The following ANKFN1 variants were observed in gnomAD, a reference collection of about 807,000 sequenced individuals.
The protein encoded by ANKFN1 is ankyrin repeat and fibronectin type-III domain-containing protein 1.
In ANKFN1, 74 loss-of-function variants were observed where a neutral mutation model predicts 108.7. The observed-to-expected ratio is 0.68, with a 90% confidence interval of 0.56 to 0.83. The LOEUF is 0.83. Ranked by LOEUF, ANKFN1 falls within the 40% of genes least tolerant of loss-of-function variation. ANKFN1 has a pLI of 0.00. For synonymous variants in ANKFN1, 547 were observed against 516.2 expected (o/e 1.06, Z -0.81); for missense variants, 1,505 against 1,382.3 (o/e 1.09, Z -1.41).
At chr17:56,471,067 AT>A (rs2050300189) in intron 15 of ANKFN1, 1 of 152,184 alleles carries the variant, frequency 6.6e-6, no homozygotes, top group Non-Finnish European at 1.5e-5. Context: ...CTATGATATC[AT>A]TTGATCCTCA....
At chr17:56,215,992 C>A (rs545110482) in intron 2 of ANKFN1, among the ~76,000 whole-genome samples, 2 of 152,154 alleles carry the variant, frequency 1.3e-5, no homozygotes, top group Non-Finnish European at 2.9e-5. Flanking sequence ...TAAACAGTTG[C>A]CTGAGTTTAT....
chr17:56,143,582 T>C (rs1359834210), intron 4 of ANKFN1, among the ~76,000 whole-genome samples: 1 of 152,222 alleles, frequency 6.6e-6, no homozygotes, highest in Non-Finnish European at 1.5e-5. Flanking sequence ...TCAAAAGATA[T>C]ATCCAAACCC....
At chr17:56,356,904 C>T (rs184008342) in intron 6 of ANKFN1, among the ~76,000 whole-genome samples, 1 of 152,262 alleles carries the variant, frequency 6.6e-6, no homozygotes, top group Admixed American at 6.5e-5. Flanking sequence ...CACTTACCTG[C>T]GACACTACAA....
Position 56,280,895 on chromosome 17 carries a change from G to A in ANKFN1, c.54-45326G>A, listed in dbSNP as rs574765607. 2.0e-5 allele frequency among the ~76,000 whole-genome samples: 3 copies of A among 152,268 alleles called. No homozygotes were observed. The South Asian group carries it at 6.2e-4, about 32-fold the overall frequency. On this transcript the variant is annotated intron_variant, in intron 3 of 20. Coordinates refer to ENST00000682825, the MANE Select transcript of ANKFN1 (RefSeq NM_001370326.1). ...ACCTAGTGGGAGGTAATTGAATCAT[G>A]GGGGTAGGTCTTTCTCATGCTGTTT... is the stretch of plus-strand genomic sequence containing the variant.
At chr17:56,388,137 T>A (rs974377564) in intron 8 of ANKFN1, among the ~76,000 whole-genome samples, 15 of 152,096 alleles carry the variant, frequency 9.9e-5, no homozygotes, top group African/African-American at 3.1e-4. Flanking sequence ...TTTTTCTTTT[T>A]CTTTCTTTCT....
At position 56,206,962 on chromosome 17, in the gene ANKFN1, A is replaced by G. The variant is rs146974084; in HGVS notation, c.-70-5636A>G. On this transcript the variant is annotated intron_variant, in intron 1 of 20. Coordinates refer to ENST00000682825, the MANE Select transcript of ANKFN1 (RefSeq NM_001370326.1). ...CATGTTGCCCCCTCCTCAATGCTCA[A>G]TCAAGGGTAGGTTTTTACAATAGCC... 4 of 152,484 alleles carry G rather than the reference A, an allele frequency of 2.6e-5. No homozygotes were observed. The East Asian group carries it at 7.7e-4, about 29-fold the overall frequency. 9.4% of individuals were successfully genotyped at this position (152,484 alleles called of 1,614,324 possible). A position where few individuals can be genotyped will look rare whatever the true frequency, so the allele number is the denominator to read the frequency against.
At chr17:56,266,399 C>T (rs1421306532) in intron 3 of ANKFN1, among the ~76,000 whole-genome samples, 1 of 152,174 alleles carries the variant, frequency 6.6e-6, no homozygotes, top group Non-Finnish European at 1.5e-5. Context: ...GTCAAAATCA[C>T]TCTACCTACA....
chr17:56,484,368 A>G (rs928204091), intron 18 of ANKFN1, among the ~76,000 whole-genome samples: 48 of 152,200 alleles, frequency 3.2e-4, no homozygotes, highest in African/African-American at 1.1e-3. Context: ...AGAAGAAAAA[A>G]AAAGAAAGAA....
chr17:56,154,309 T>G (rs1181634295), intron 1 of ANKFN1, among the ~76,000 whole-genome samples: 1 of 152,158 alleles, frequency 6.6e-6, no homozygotes, highest in East Asian at 1.9e-4. Flanking sequence ...TAGGAGGAAC[T>G]TATTCAGCTA....
chr17:56,474,637 T>C (rs1350315920), intron 15 of ANKFN1, among the ~76,000 whole-genome samples: 1 of 152,206 alleles, frequency 6.6e-6, no homozygotes, highest in Non-Finnish European at 1.5e-5. Context: ...TAATGACCTG[T>C]GAGTCTGTAG....
intron 1 of ANKFN1, among the ~76,000 whole-genome samples, chr17:56,175,272 T>A (rs1911042806): frequency 6.6e-6 from 1 of 152,224 alleles, no homozygotes; most frequent in South Asian, 2.1e-4. Context: ...TGCCAGACAG[T>A]TAGTTCTTGT....
chr17:56,206,434 A>T (rs981478948), intron 1 of ANKFN1: 8 of 152,142 alleles, frequency 5.3e-5, no homozygotes, highest in African/African-American at 1.9e-4. Flanking sequence ...GAAGCACAGG[A>T]TGGAGTTTGT....
chr17:56,405,389 T>C (rs993917990), intron 8 of ANKFN1, among the ~76,000 whole-genome samples: 1 of 152,196 alleles, frequency 6.6e-6, no homozygotes, highest in Admixed American at 6.5e-5. Context: ...TAATATACGC[T>C]CTATAGATTA....
chr17:56,173,245 T>G (rs755153922), intron 1 of ANKFN1, among the ~76,000 whole-genome samples: 1 of 152,224 alleles, frequency 6.6e-6, no homozygotes, highest in Non-Finnish European at 1.5e-5. Flanking sequence ...TCTGCCACTT[T>G]GCCACCTGGC....
intron 5 of ANKFN1, among the ~76,000 whole-genome samples, chr17:56,351,293 G>A (rs2046241146): frequency 6.6e-6 from 1 of 151,798 alleles, no homozygotes; most frequent in South Asian, 2.1e-4. Context: ...CTTTCTGAGA[G>A]TTCCAGTGTT....
rs534514679 is a variant in ANKFN1 at position 56,312,984 on chromosome 17, G to A, written c.54-13237G>A. On this transcript the variant is annotated intron_variant, in intron 3 of 20. Transcript: ENST00000682825. Reference sequence around the variant, plus strand: ...AGCCTGGCCAAGGTGATGAAACCCCGTCTCTACTAAAAATACAAAAATTAG... The same window carrying A: ...AGCCTGGCCAAGGTGATGAAACCCCATCTCTACTAAAAATACAAAAATTAG... 3.9e-5 allele frequency among the ~76,000 whole-genome samples: 6 copies of A among 151,966 alleles called. No homozygotes were observed. The East Asian group carries it at 9.7e-4, about 25-fold the overall frequency.
intron 4 of ANKFN1, among the ~76,000 whole-genome samples, chr17:56,335,172 T>C (rs1164020544): frequency 6.6e-6 from 1 of 152,218 alleles, no homozygotes. Context: ...AGCTTTGTTC[T>C]TTTTGCTTAG....
At chr17:56,149,718 T>C (rs541766976), upstream of ANKFN1, among the ~76,000 whole-genome samples, 1 of 152,216 alleles carries the variant, frequency 6.6e-6, no homozygotes, top group Non-Finnish European at 1.5e-5. Context: ...GGGAGAAGTA[T>C]GCTTGAGGCC....
chr17:56,380,084 G>T (rs1362244032), intron 8 of ANKFN1, among the ~76,000 whole-genome samples: 1 of 152,178 alleles, frequency 6.6e-6, no homozygotes, highest in Non-Finnish European at 1.5e-5. Flanking sequence ...AATTTGGGGA[G>T]AATCTCATCC....
Sources: allele counts gnomAD v4.1 joint callset (sites outside exome capture counted in the v4.1 genomes callset), GRCh38; gene constraint gnomAD v4.1.1; transcripts MANE v1.5; gene names NCBI Gene and HGNC (gene_info 2026-07-23, HGNC 2026-07-21).